The following NLRP13 variants were observed in gnomAD, a reference collection of about 807,000 sequenced individuals.
The protein encoded by NLRP13 is NACHT, LRR and PYD domains-containing protein 13.
NLRP13 carries 82 observed loss-of-function variants against 94.4 expected under a neutral mutation model. The observed-to-expected ratio is 0.87, with a 90% confidence interval of 0.73 to 1.04. The LOEUF is 1.04. NLRP13 is among the 50% of genes least tolerant of loss of function. The pLI is 0.00. For synonymous variants in NLRP13, 553 were observed against 464.7 expected (o/e 1.19, Z -2.45); for missense variants, 1,426 against 1,230.8 (o/e 1.16, Z -2.37).
intron 4 of NLRP13, among the ~76,000 whole-genome samples, chr19:55,922,790 G>C (rs1200324838): frequency 6.6e-6 from 1 of 152,212 alleles, no homozygotes; most frequent in Non-Finnish European, 1.5e-5. Flanking sequence ...GTTATGGGAG[G>C]ATAGAAGGGA....
At chr19:55,915,320 A>G (rs1986648392) in intron 4 of NLRP13, among the ~76,000 whole-genome samples, 1 of 152,286 alleles carries the variant, frequency 6.6e-6, no homozygotes, top group South Asian at 2.1e-4. Context: ...AATTACAGCC[A>G]TGTGCGGTGG....
intron 7 of NLRP13, among the ~76,000 whole-genome samples, chr19:55,907,211 A>G (rs1362959926): frequency 2.0e-5 from 3 of 151,874 alleles, no homozygotes; most frequent in Non-Finnish European, 4.4e-5. Flanking sequence ...GCCCCACTCC[A>G]CCACCCAAAG....
At chr19:55,902,858 A>C (rs1212408071) in intron 8 of NLRP13, among the ~76,000 whole-genome samples, 1 of 149,492 alleles carries the variant, frequency 6.7e-6, no homozygotes, top group Non-Finnish European at 1.5e-5. Context: ...TGCATAATAC[A>C]TATATCATAA....
intron 1 of NLRP13, among the ~76,000 whole-genome samples, chr19:55,930,898 A>ATATATATATATATATATATATATATATAT: frequency 1.9e-5 from 2 of 104,906 alleles, no homozygotes; most frequent in South Asian, 2.9e-4. Flanking sequence ...ATATATATAT[A>ATATATATATATATATATATATATATATAT]AAATTTTAAC....
At chr19:55,914,975 T>C (rs1986639892) in intron 4 of NLRP13, among the ~76,000 whole-genome samples, 1 of 152,146 alleles carries the variant, frequency 6.6e-6, no homozygotes, top group South Asian at 2.1e-4. Flanking sequence ...ATTTCACTTA[T>C]ATGTAGAATC....
rs10530056 is a variant in NLRP13, at chr19:55,913,548, C to CAAAAAAAAAAAAAAAAAAAAAAA, written c.524-278_524-256dup. Among the ~76,000 whole-genome samples the CAAAAAAAAAAAAAAAAAAAAAAA allele has an allele frequency of 1.2e-3, 60 of 52,060 alleles. 1 individual carries two copies. The highest frequency in any genetic ancestry group is 1.4e-3 in the Non-Finnish European group (35 of 24,996). 34.2% of individuals were successfully genotyped at this position (52,060 alleles called of 152,430 possible). ...TGGGTGACAGAGTGAGACTCCGTCT[C>CAAAAAAAAAAAAAAAAAAAAAAA]AAAAAAAAAAAAAAAAAAAAAAAGT... On this transcript the variant is annotated intron_variant, in intron 4 of 10. Coordinates refer to ENST00000342929, the MANE Select transcript of NLRP13 (RefSeq NM_176810.2).
intron 1 of NLRP13, among the ~76,000 whole-genome samples, chr19:55,926,972 T>C (rs1166431686): frequency 6.6e-6 from 1 of 151,614 alleles, no homozygotes; most frequent in East Asian, 1.9e-4. Context: ...AATGGATATC[T>C]ATAGGTGGAA....
chr19:55,932,087 G>T lies in NLRP13; in HGVS notation c.225C>A (p.His75Gln), dbSNP rs1181672450. 6 of 1,614,186 alleles carry T rather than the reference G, an allele frequency of 3.7e-6. No individual in the cohort carries two copies. The highest frequency in any genetic ancestry group is 1.6e-4 in the Middle Eastern group (1 of 6,062). The change falls in exon 1 of 11, where the codon CAC (histidine) becomes CAA (glutamine). Residue 75 changes from histidine (H) to glutamine (Q), a missense_variant. By Grantham distance (24) the His-to-Gln change is conservative. Coordinates refer to ENST00000342929, the MANE Select transcript of NLRP13 (RefSeq NM_176810.2). ...PLNLSFLLDE[H>Q]FPKGQAWKVV... The stretch of plus-strand genomic sequence containing the variant: ...CTTTCCATGCCTGACCTTTTGGGAA[G>T]TGTTCATCCAAAAGAAAGGACAGAT...
chr19:55,920,775 T>A (rs866274539), intron 4 of NLRP13, among the ~76,000 whole-genome samples: 11 of 151,804 alleles, frequency 7.2e-5, no homozygotes, highest in Admixed American at 2.0e-4. Flanking sequence ...GAAAAAAAAA[T>A]CATATCATAA....
intron 7 of NLRP13, among the ~76,000 whole-genome samples, chr19:55,906,063 C>A (rs1174590543): frequency 6.6e-6 from 1 of 152,078 alleles, no homozygotes; most frequent in African/African-American, 2.4e-5. Context: ...AGAGGCCAGG[C>A]GTGGTGGCTC....
chr19:55,926,270 A>G (rs560682979), intron 1 of NLRP13, among the ~76,000 whole-genome samples: 1 of 152,356 alleles, frequency 6.6e-6, no homozygotes, highest in South Asian at 2.1e-4. Context: ...ACCTGTCAGA[A>G]AAGCCAGGCT....
chr19:55,910,867 C>G (rs1986490581), intron 5 of NLRP13, 134 bp from the exon 6 acceptor site: 3 of 766,806 alleles, frequency 3.9e-6, no homozygotes, highest in Admixed American at 2.8e-5. Context: ...GGTGCAGTGG[C>G]TCACGCCTGT....
chr19:55,918,858 T>G (rs464765), intron 4 of NLRP13, among the ~76,000 whole-genome samples: 79,490 of 151,628 alleles, frequency 0.52, 20,994 homozygotes, highest in Middle Eastern at 0.6. Flanking sequence ...GAGGAGGGAG[T>G]GCTCTCTAAT....
chr19:55,901,384 A>C (rs1467063849), intron 9 of NLRP13, among the ~76,000 whole-genome samples: 1 of 152,188 alleles, frequency 6.6e-6, no homozygotes, highest in Non-Finnish European at 1.5e-5. Flanking sequence ...TTTTTCTTAG[A>C]TAATGTGGGC....
chr19:55,902,513 C>CT (rs1208722712), intron 8 of NLRP13, among the ~76,000 whole-genome samples: 7 of 152,032 alleles, frequency 4.6e-5, no homozygotes, highest in African/African-American at 1.7e-4. Flanking sequence ...GGGCGTGGGT[C>CT]CAAATGGGCT....
Position 55,912,588 on chromosome 19 carries a change from T to C in NLRP13, c.1229A>G (p.Gln410Arg). ...GAGAGTTTCGTTTTTTCTTAGCTGCTGCAGGATTTTCTCAACTTCACTTGA... is the reference window on the plus strand; with the variant it reads ...GAGAGTTTCGTTTTTTCTTAGCTGCCGCAGGATTTTCTCAACTTCACTTGA... The part of the protein sequence containing the change: ...DDSSEVEKIL[Q>R]QLRKNETLFH... The change falls in exon 5 of 11, where the codon CAG becomes CGG. Residue 410 changes from glutamine to arginine, a missense_variant. Gln to Arg is a conservative substitution (Grantham distance 43). Transcript: ENST00000342929. The C allele has an allele frequency of 6.2e-7, 1 of 1,614,218 alleles. No individual in the cohort carries two copies. Among genetic ancestry groups the C allele is most frequent in the Non-Finnish European group, 8.5e-7 (1 of 1,180,042 alleles).
At chr19:55,924,540 G>T (rs534068039) in intron 3 of NLRP13, 50 bp downstream of exon 3, 1 of 1,291,020 alleles carries the variant, frequency 7.7e-7, no homozygotes, top group African/African-American at 1.5e-5. Flanking sequence ...CCAATGAAAC[G>T]AGTGTTCCAT....
At chr19:55,924,827 T>C in intron 2 of NLRP13, 140 bp downstream of exon 2, 1 of 835,738 alleles carries the variant, frequency 1.2e-6, no homozygotes, top group Non-Finnish European at 2.0e-6. Flanking sequence ...TAAGCAATAC[T>C]GAAAGAATTA....
chr19:55,912,933 G>A lies in NLRP13; in HGVS notation c.884C>T (p.Pro295Leu), dbSNP rs777925796. Residue 295 changes from proline to leucine, a missense_variant, in exon 5 of 11, where the codon CCC becomes CTC. By Grantham distance (98) the Pro-to-Leu change is moderately conservative (BLOSUM62 -3). Coordinates refer to ENST00000342929, the MANE Select transcript of NLRP13 (RefSeq NM_176810.2). Reference protein sequence around the residue: ...ISLDWPDFDAPIEEFMSQPEK... With the variant: ...ISLDWPDFDALIEEFMSQPEK... The stretch of plus-strand genomic sequence containing the variant: ...TGGTTGAGACATGAACTCTTCAATG[G>A]GGGCATCAAAATCGGGCCAATCCAA... The A allele has an allele frequency of 1.2e-6, 2 of 1,614,038 alleles. No individual in the cohort carries two copies. The highest frequency in any genetic ancestry group is 2.2e-5 in the South Asian group (2 of 91,086).
Sources: allele counts gnomAD v4.1 joint callset (sites outside exome capture counted in the v4.1 genomes callset), GRCh38; gene constraint gnomAD v4.1.1; transcripts MANE v1.5; gene names NCBI Gene and HGNC (gene_info 2026-07-23, HGNC 2026-07-21).